The following FAM184A variants were observed in gnomAD, a reference collection of about 807,000 sequenced individuals.
FAM184A encodes family with sequence similarity 184 member A.
In FAM184A, 99 loss-of-function variants were observed where a neutral mutation model predicts 143.8. The ratio of observed to expected loss-of-function variants is 0.69; its 90% CI spans 0.58 to 0.81. FAM184A has a LOEUF of 0.81. Among genes scored for constraint, FAM184A ranks in the 40% least tolerant of loss-of-function variants. The probability of loss-of-function intolerance (pLI) is 0.00; values close to 1 mark genes in which losing one functional copy is unlikely to be tolerated. For synonymous variants in FAM184A, 427 were observed against 446.4 expected (o/e 0.96, Z 0.55); for missense variants, 1,217 against 1,310.5 (o/e 0.93, Z 1.10).
At chr6:119,044,762 A>G (rs1424060686) in intron 1 of FAM184A, among the ~76,000 whole-genome samples, 3 of 152,242 alleles carry the variant, frequency 2.0e-5, no homozygotes, top group Non-Finnish European at 4.4e-5. Context: ...GTAAACGTGA[A>G]GAAAAGGAAA....
At chr6:118,961,345 AAAT>A (rs920004247) in intron 17 of FAM184A, among the ~76,000 whole-genome samples, 3 of 150,554 alleles carry the variant, frequency 2.0e-5, no homozygotes, top group Admixed American at 1.3e-4. Flanking sequence ...ATATATTTAT[AAAT>A]AATCTTGGTA....
At chr6:119,128,878 C>T (rs1789449174) in intron 1 of FAM184A, among the ~76,000 whole-genome samples, 1 of 77,764 alleles carries the variant, frequency 1.3e-5, no homozygotes, top group Non-Finnish European at 2.7e-5. Context: ...GAATCCCCTT[C>T]CCTTACTAGT....
At chr6:118,990,782 T>C (rs923161677) in intron 9 of FAM184A, among the ~76,000 whole-genome samples, 11 of 151,020 alleles carry the variant, frequency 7.3e-5, no homozygotes, top group Non-Finnish European at 1.5e-4. Flanking sequence ...CTACAGCTAC[T>C]CGGGAGGCTG....
chr6:119,115,417 C>T (rs1029511960), intron 1 of FAM184A, among the ~76,000 whole-genome samples: 5 of 152,108 alleles, frequency 3.3e-5, no homozygotes, highest in Admixed American at 6.5e-5. Context: ...TGTGACTGGG[C>T]GAGGTGGCTC....
chr6:119,071,572 G>A (rs1787684216), intron 1 of FAM184A, among the ~76,000 whole-genome samples: 1 of 152,096 alleles, frequency 6.6e-6, no homozygotes, highest in Non-Finnish European at 1.5e-5. Flanking sequence ...AGGAGACACA[G>A]GTTGGTTTCA....
At chr6:119,042,528 A>G (rs1169229171) in intron 1 of FAM184A, among the ~76,000 whole-genome samples, 1 of 152,158 alleles carries the variant, frequency 6.6e-6, no homozygotes, top group African/African-American at 2.4e-5. Flanking sequence ...CAAAGACTGA[A>G]GTTGCCGTGG....
At chr6:118,970,008 A>ATATATATTTTTTTTT in intron 14 of FAM184A, among the ~76,000 whole-genome samples, 3 of 19,050 alleles carry the variant, frequency 1.6e-4, no homozygotes, top group Non-Finnish European at 2.3e-4. Flanking sequence ...ATATATATAT[A>ATATATATTTTTTTTT]TTTTTTTTTT....
rs201813620 is a variant in FAM184A at position 119,022,897 on chromosome 6, G to A, written c.1150+48C>T. 44 of 1,606,536 alleles carry A rather than the reference G, an allele frequency of 2.7e-5. No individual in the cohort carries two copies. The East Asian group carries it at 9.8e-4, about 36-fold the overall frequency. ...GTCTCCAAAAAAATAAATAAATAAAGTGTTGATTTTAGCTAAGCATTACAT... is the reference window on the plus strand; with the variant it reads ...GTCTCCAAAAAAATAAATAAATAAAATGTTGATTTTAGCTAAGCATTACAT... On this transcript the variant is annotated intron_variant, in intron 3 of 17. Transcript: ENST00000338891.
chr6:119,002,911 ATCT>A lies in FAM184A; in HGVS notation c.2073_2075del (p.Glu691del), dbSNP rs745393185. 14 of 1,610,526 alleles carry A rather than the reference ATCT, an allele frequency of 8.7e-6. No individual in the cohort carries two copies. Among genetic ancestry groups the A allele is most frequent in the Non-Finnish European group, 1.2e-5 (14 of 1,179,004 alleles). ...CATTATTAATTACCTGGTTTAAGAG[ATCT>A]TCTACTTTCTTCTGCCATGAATCTC... On this transcript the variant is annotated inframe_deletion, in exon 9 of 18. Transcript: ENST00000338891.
chr6:119,067,224 G>A (rs541305508), intron 1 of FAM184A, among the ~76,000 whole-genome samples: 4 of 152,306 alleles, frequency 2.6e-5, no homozygotes, highest in Non-Finnish European at 5.9e-5. Flanking sequence ...CAAAAGATTA[G>A]TATTTCAGCC....
At chr6:118,980,890 TA>T (rs1261290136) in intron 9 of FAM184A, among the ~76,000 whole-genome samples, 7 of 152,350 alleles carry the variant, frequency 4.6e-5, no homozygotes, top group Middle Eastern at 3.4e-3. Context: ...AAATATTAGC[TA>T]AGATTATTTG....
chr6:119,053,600 T>G (rs1441004574), intron 1 of FAM184A, among the ~76,000 whole-genome samples: 1 of 152,156 alleles, frequency 6.6e-6, no homozygotes, highest in African/African-American at 2.4e-5. Flanking sequence ...TATTTTCAAT[T>G]TAGGGTAGAG....
At chr6:118,986,762 T>TAA (rs1784209279) in intron 9 of FAM184A, among the ~76,000 whole-genome samples, 1 of 152,268 alleles carries the variant, frequency 6.6e-6, no homozygotes, top group Non-Finnish European at 1.5e-5. Flanking sequence ...CAATTAATTT[T>TAA]AAAAATAATC....
chr6:118,994,910 G>T (rs370632286), intron 9 of FAM184A, among the ~76,000 whole-genome samples: 1 of 152,070 alleles, frequency 6.6e-6, no homozygotes, highest in Non-Finnish European at 1.5e-5. Flanking sequence ...TGCTTTACAC[G>T]TACAAGATAT....
intron 1 of FAM184A, among the ~76,000 whole-genome samples, chr6:119,123,978 C>G (rs1250695685): frequency 1.3e-5 from 2 of 152,176 alleles, no homozygotes; most frequent in Non-Finnish European, 2.9e-5. Flanking sequence ...AAAGCACACT[C>G]CAAGATACAA....
At chr6:119,106,347 T>C (rs6569042) in intron 1 of FAM184A, among the ~76,000 whole-genome samples, 96,351 of 151,794 alleles carry the variant, frequency 0.63, 31,253 homozygotes, top group East Asian at 0.96. Flanking sequence ...GAGATGAGAT[T>C]GTGCCACTGC....
At chr6:119,007,439 T>C (rs1582496045) in intron 6 of FAM184A, among the ~76,000 whole-genome samples, 1 of 152,086 alleles carries the variant, frequency 6.6e-6, no homozygotes, top group Non-Finnish European at 1.5e-5. Context: ...TGCACGGCCT[T>C]CCTGTCCCCT....
intron 1 of FAM184A, among the ~76,000 whole-genome samples, chr6:119,124,366 T>C (rs971850191): frequency 6.6e-6 from 1 of 152,226 alleles, no homozygotes; most frequent in Non-Finnish European, 1.5e-5. Context: ...CAATGTTTTA[T>C]GTAAATTGTA....
At chr6:119,088,476 A>C (rs1325571158) in intron 1 of FAM184A, among the ~76,000 whole-genome samples, 1 of 152,072 alleles carries the variant, frequency 6.6e-6, no homozygotes, top group Non-Finnish European at 1.5e-5. Flanking sequence ...GGTAGAGGAA[A>C]TGTTCTTCTT....
Sources: gnomAD v4.1 joint callset for allele counts (sites outside exome capture counted in the v4.1 genomes callset) on GRCh38, gnomAD v4.1.1 for gene constraint, MANE v1.5 for transcripts, NCBI Gene and HGNC (gene_info 2026-07-23, HGNC 2026-07-21) for gene names.